ZSCAN18: variants seen among roughly 807,000 people sequenced by gnomAD.
The protein encoded by ZSCAN18 is zinc finger and SCAN domain-containing protein 18.
Under a neutral mutation model 31.1 loss-of-function variants are expected in ZSCAN18, and 16 were observed. That is an observed-to-expected ratio of 0.51 (90% CI 0.35 to 0.78). ZSCAN18 has a LOEUF of 0.78. Among genes scored for constraint, ZSCAN18 ranks in the 30% least tolerant of loss-of-function variants. The pLI, the probability that ZSCAN18 is intolerant of heterozygous loss-of-function variation, is 0.01. For synonymous variants in ZSCAN18, 375 were observed against 320.7 expected (o/e 1.17, Z -1.81); for missense variants, 731 against 697.4 (o/e 1.05, Z -0.54).
At position 58,084,469 on chromosome 19, in the gene ZSCAN18, C is replaced by G; in HGVS notation, c.*216G>C. On this transcript the variant is annotated 3_prime_UTR_variant, in exon 7 of 7. Transcript: ENST00000601144. This position sits in a 1 kb window ranked among gnomAD's most constrained non-coding sequence, Gnocchi z 4.5. ...CACATCCGGCGGCTCCCCTCGGATG[C>G]GAGCGCTGGCCCAGGGTGTGTTTAC... The G allele has an allele frequency of 2.1e-6, 1 of 470,714 alleles. No homozygotes were observed. The highest frequency in any genetic ancestry group is 3.6e-6 in the Non-Finnish European group (1 of 276,112). 29.2% of individuals were successfully genotyped at this position (470,714 alleles called of 1,614,324 possible).
intron 6 of ZSCAN18, 120 bp from the exon 7 acceptor site, chr19:58,085,499 G>T: frequency 1.1e-6 from 1 of 881,398 alleles, no homozygotes; most frequent in Non-Finnish European, 1.7e-6. Context: ...TCCCCGCGGG[G>T]CTCACGGCTG....
At position 58,107,545 on chromosome 19, in the gene ZSCAN18, G is replaced by C. The variant is rs542326943; in HGVS notation, c.130+10722C>G. 9.9e-6 allele frequency: 6 copies of C among 603,820 alleles called. 1 individual carries two copies. Among genetic ancestry groups the C allele is most frequent in the African/African-American group, 8.0e-5 (4 of 49,848 alleles). 37.4% of individuals were successfully genotyped at this position (603,820 alleles called of 1,614,324 possible). On this transcript the variant is annotated intron_variant, in intron 1 of 1. Coordinates refer to the ZSCAN18 transcript ENST00000595721. ...TACTGCACTGCAGCCTGGGTGACAA[G>C]AGTGAAACTCTGTCTCAAAAATAAA...
intron 1 of ZSCAN18, chr19:58,109,043 C>T (rs1316839043): frequency 8.2e-7 from 1 of 1,222,124 alleles, no homozygotes. Flanking sequence ...GAAGCTAGGA[C>T]TGAGCAGATG....
upstream of ZSCAN18, among the ~76,000 whole-genome samples, chr19:58,098,933 T>C (rs1396395918): frequency 6.6e-6 from 1 of 152,110 alleles, no homozygotes; most frequent in African/African-American, 2.4e-5. Context: ...CAGGAGCTGC[T>C]GAAATGAGGG....
chr19:58,109,292 T>C lies in ZSCAN18; in HGVS notation c.130+8975A>G, dbSNP rs543878013. On this transcript the variant is annotated intron_variant, in intron 1 of 1. Coordinates refer to the ZSCAN18 transcript ENST00000595721. ...CCAAGTTGATGCTTCCATTTGACTT[T>C]TGTTTCCCAGGCTGGAAAGGAAAAG... is the stretch of plus-strand genomic sequence containing the variant. The C allele has an allele frequency of 2.1e-4, 261 of 1,231,732 alleles. 3 individuals carry two copies. In the African/African-American group the frequency reaches 3.4e-3, roughly 16 times the overall value. 76.3% of individuals were successfully genotyped at this position (1,231,732 alleles called of 1,614,324 possible).
At chr19:58,099,962 A>ATTT (rs748690700), upstream of ZSCAN18, among the ~76,000 whole-genome samples, 1 of 59,462 alleles carries the variant, frequency 1.7e-5, no homozygotes, top group Non-Finnish European at 4.9e-5. Context: ...TTTGAAAGCT[A>ATTT]TGTTTTTTTT....
At chr19:58,097,069 C>A (rs191345964) in intron 1 of ZSCAN18, among the ~76,000 whole-genome samples, 1 of 152,260 alleles carries the variant, frequency 6.6e-6, no homozygotes, top group Non-Finnish European at 1.5e-5. Flanking sequence ...GGCAGGAAAC[C>A]ATCCGCAGGA....
upstream of ZSCAN18, among the ~76,000 whole-genome samples, chr19:58,102,240 C>T (rs1468403897): frequency 6.6e-6 from 1 of 152,012 alleles, no homozygotes; most frequent in Non-Finnish European, 1.5e-5. Context: ...GGGCTGCTCA[C>T]GAGGTCAGGA....
intron 1 of ZSCAN18, among the ~76,000 whole-genome samples, chr19:58,105,703 T>C (rs1044484306): frequency 6.6e-6 from 1 of 151,054 alleles, no homozygotes; most frequent in South Asian, 2.1e-4. Context: ...TTTGCAGCTA[T>C]GCGTGGTGGC....
At chr19:58,104,550 A>C (rs954666509) in intron 1 of ZSCAN18, among the ~76,000 whole-genome samples, 2 of 151,704 alleles carry the variant, frequency 1.3e-5, no homozygotes, top group Non-Finnish European at 2.9e-5. Flanking sequence ...AATACAAAAA[A>C]AATTAGCCAG....
intron 1 of ZSCAN18, among the ~76,000 whole-genome samples, chr19:58,093,791 A>C (rs889001351): frequency 6.6e-6 from 1 of 151,640 alleles, no homozygotes; most frequent in African/African-American, 2.4e-5. Flanking sequence ...TTGGAGACGG[A>C]GTCTCGCCCT....
chr19:58,094,410 C>CA lies in ZSCAN18; in HGVS notation c.-120+3763dup, dbSNP rs563713590. ...TGAGCGACAGAGTGAGACTCTGTCT[C>CA]AAAAAAAAAAAAAAGAAATACATCC... On this transcript the variant is annotated intron_variant, in intron 1 of 6. Transcript: ENST00000601144. Among the ~76,000 whole-genome samples, 345 of 101,396 alleles carry CA rather than the reference C, an allele frequency of 3.4e-3. 2 individuals are homozygous for CA. The highest frequency in any genetic ancestry group is 8.4e-3 in the African/African-American group (240 of 28,466). 66.5% of individuals were successfully genotyped at this position (101,396 alleles called of 152,430 possible). A position where few individuals can be genotyped will look rare whatever the true frequency, so the allele number is the denominator to read the frequency against.
chr19:58,085,162 C>T lies in ZSCAN18; in HGVS notation c.1056G>A (p.Gln352=), dbSNP rs1220929603. 1.2e-6 allele frequency: 2 copies of T among 1,610,926 alleles called. No homozygotes were observed. Among genetic ancestry groups the T allele is most frequent in the Non-Finnish European group, 1.7e-6 (2 of 1,179,350 alleles). Residue 352 remains glutamine (Q), a synonymous_variant, in exon 7 of 7, where the codon CAG becomes CAA. Coordinates refer to ENST00000601144, the MANE Select transcript of ZSCAN18 (RefSeq NM_001145543.2). ...CCGGGGCAGGCTGCTGGATGACGGACTGCCTCTGCGATCCGGTGGCAGAGT... is the reference window on the plus strand; with the variant it reads ...CCGGGGCAGGCTGCTGGATGACGGATTGCCTCTGCGATCCGGTGGCAGAGT... The part of the protein sequence containing the change: ...ESDSATGSQR[Q]SVIQQPAPDR...
intron 1 of ZSCAN18, chr19:58,108,258 T>C (rs982318502): frequency 2.7e-5 from 27 of 985,398 alleles, no homozygotes; most frequent in Non-Finnish European, 3.0e-5. Context: ...AGTACATACA[T>C]AGGGCTCCCC....
intron 1 of ZSCAN18, among the ~76,000 whole-genome samples, chr19:58,112,843 C>T (rs2074696695): frequency 7.0e-6 from 1 of 143,174 alleles, no homozygotes. Flanking sequence ...CCCAGCTACT[C>T]GGGAGGCTGA....
chr19:58,113,658 C>T (rs2074706449), intron 1 of ZSCAN18, among the ~76,000 whole-genome samples: 1 of 152,158 alleles, frequency 6.6e-6, no homozygotes, highest in African/African-American at 2.4e-5. Flanking sequence ...TTTCTTTTCA[C>T]AACCGTGGTA....
chr19:58,105,146 T>G (rs1223870395), intron 1 of ZSCAN18, among the ~76,000 whole-genome samples: 1 of 152,212 alleles, frequency 6.6e-6, no homozygotes, highest in African/African-American at 2.4e-5. Flanking sequence ...AAAGCCTGGA[T>G]GACAGTACGT....
At chr19:58,106,824 G>A (rs978740884) in intron 1 of ZSCAN18, among the ~76,000 whole-genome samples, 4 of 151,248 alleles carry the variant, frequency 2.6e-5, no homozygotes, top group Non-Finnish European at 5.9e-5. Context: ...GCAGTGGCTC[G>A]ATCTCTGCTC....
chr19:58,088,010 C>T (rs2074318992), intron 3 of ZSCAN18: 1 of 153,434 alleles, frequency 6.5e-6, no homozygotes, highest in South Asian at 2.0e-4. Flanking sequence ...ACCTTCCGTG[C>T]TGGTAATGAA....
Sources: allele counts gnomAD v4.1 joint callset (sites outside exome capture counted in the v4.1 genomes callset), GRCh38; gene constraint gnomAD v4.1.1; non-coding constraint Gnocchi (gnomAD v3.1); transcripts MANE v1.5; gene names NCBI Gene and HGNC (gene_info 2026-07-23, HGNC 2026-07-21).